The following PLEKHH2 variants were observed in gnomAD, a reference collection of about 807,000 sequenced individuals.
PLEKHH2 encodes pleckstrin homology domain-containing family H member 2.
A neutral mutation model predicts 187.9 loss-of-function variants in PLEKHH2; 129 were observed. The ratio of observed to expected loss-of-function variants is 0.69; its 90% CI spans 0.59 to 0.79. The LOEUF (loss-of-function observed/expected upper bound fraction) is 0.79. Ranked by LOEUF, PLEKHH2 falls within the 30% of genes least tolerant of loss-of-function variation. The pLI is 0.00. For missense variants in PLEKHH2, 2,076 were observed against 1,751.2 expected (o/e 1.19, Z -3.31); for synonymous variants, 686 against 605.6 (o/e 1.13, Z -1.95).
intron 2 of PLEKHH2, among the ~76,000 whole-genome samples, chr2:43,653,649 G>A (rs1175355503): frequency 6.6e-6 from 1 of 152,202 alleles, no homozygotes; most frequent in African/African-American, 2.4e-5. Flanking sequence ...TGCCCAGGCA[G>A]ACAGGTGAAC....
intron 11 of PLEKHH2, among the ~76,000 whole-genome samples, chr2:43,709,656 T>A (rs1332477681): frequency 6.6e-6 from 1 of 152,126 alleles, no homozygotes; most frequent in Non-Finnish European, 1.5e-5. Context: ...GCCAACATGA[T>A]GAAACCCCAT....
chr2:43,660,349 A>G (rs772020512), intron 2 of PLEKHH2, among the ~76,000 whole-genome samples: 1 of 151,864 alleles, frequency 6.6e-6, no homozygotes, highest in Non-Finnish European at 1.5e-5. Flanking sequence ...ACATTCACAT[A>G]CAGGTGTTTG....
rs549087057 is a variant in PLEKHH2, at chr2:43,669,688, A to G, written c.124-9175A>G. Among the ~76,000 whole-genome samples the G allele has an allele frequency of 3.3e-4, 51 of 152,246 alleles. 1 individual carries two copies. Among genetic ancestry groups the G allele is most frequent in the African/African-American group, 1.2e-3 (51 of 41,560 alleles). ...CTCAACACATAATGCTTTAATGAGA[A>G]ATGAAGGTGAAAAGGAAGAAACTTT... On this transcript the variant is annotated intron_variant, in intron 2 of 29. Transcript: ENST00000282406.
At chr2:43,741,783 A>T (rs897839131) in intron 21 of PLEKHH2, among the ~76,000 whole-genome samples, 3 of 152,232 alleles carry the variant, frequency 2.0e-5, no homozygotes, top group African/African-American at 7.2e-5. Context: ...GAGACCAAGG[A>T]TCTGCCTACA....
chr2:43,695,866 G>A (rs1458241349), intron 6 of PLEKHH2, among the ~76,000 whole-genome samples: 2 of 152,200 alleles, frequency 1.3e-5, no homozygotes, highest in African/African-American at 4.8e-5. Context: ...GAACACTTTG[G>A]AGGAGGTTTC....
rs13397108 is a variant in PLEKHH2, at chr2:43,710,729, C to A, written c.2301+154C>A. On this transcript the variant is annotated intron_variant, in intron 14 of 29. Coordinates refer to ENST00000282406, the MANE Select transcript of PLEKHH2 (RefSeq NM_172069.4). Reference sequence around the variant, plus strand: ...TGCCTTGGAAGTATGTGAAACTCCACGAATTTTTGGTTAAAACTATAATGT... The same window carrying A: ...TGCCTTGGAAGTATGTGAAACTCCAAGAATTTTTGGTTAAAACTATAATGT... 0.013 allele frequency: 18,543 copies of A among 1,410,728 alleles called. 2,121 individuals are homozygous for A. In the African/African-American group the frequency reaches 0.24, roughly 19 times the overall value. 87.4% of individuals were successfully genotyped at this position (1,410,728 alleles called of 1,614,324 possible).
chr2:43,675,584 G>C (rs370925278), intron 2 of PLEKHH2: 7 of 1,613,522 alleles, frequency 4.3e-6, no homozygotes, highest in Non-Finnish European at 5.9e-6. Flanking sequence ...TGTGCGATTG[G>C]TTTTGTATTA....
intron 23 of PLEKHH2, among the ~76,000 whole-genome samples, chr2:43,745,117 C>G (rs1048473138): frequency 2.6e-5 from 4 of 151,982 alleles, no homozygotes; most frequent in Non-Finnish European, 5.9e-5. Context: ...AGTTCAAGAC[C>G]AGCCTGATCA....
Position 43,738,494 on chromosome 2 carries a change from C to A in PLEKHH2, c.3097C>A (p.Pro1033Thr). 6.2e-7 allele frequency: 1 copy of A among 1,612,618 alleles called. No individual in the cohort carries two copies. The highest frequency in any genetic ancestry group is 8.5e-7 in the Non-Finnish European group (1 of 1,179,024). Residue 1033 changes from proline to threonine, a missense_variant, in exon 20 of 30, where the codon CCA becomes ACA. Transcript: ENST00000282406. ...QLIKQTRRRQ[P>T]QNQPGPLQGW... ...TATTAAACAGACAAGACGAAGACAGCCACAGAATCAACCAGGACCATTGCA... is the reference window on the plus strand; with the variant it reads ...TATTAAACAGACAAGACGAAGACAGACACAGAATCAACCAGGACCATTGCA...
intron 2 of PLEKHH2, chr2:43,676,431 G>C (rs949697258): frequency 2.5e-6 from 2 of 793,656 alleles, no homozygotes; most frequent in Non-Finnish European, 3.9e-6. Context: ...GGCCACTCTA[G>C]CTGCGGGAGG....
At chr2:43,666,403 C>T (rs946849807) in intron 2 of PLEKHH2, among the ~76,000 whole-genome samples, 5 of 148,114 alleles carry the variant, frequency 3.4e-5, no homozygotes, top group Admixed American at 2.0e-4. Flanking sequence ...AACCTGGTAC[C>T]TCAGATGGAA....
intron 9 of PLEKHH2, among the ~76,000 whole-genome samples, chr2:43,704,535 C>T (rs962253756): frequency 4.0e-5 from 6 of 151,666 alleles, no homozygotes; most frequent in African/African-American, 1.2e-4. Flanking sequence ...TGGTGGCGGG[C>T]GCCCATAGCC....
chr2:43,678,414 G>T (rs1370705474), intron 2 of PLEKHH2, among the ~76,000 whole-genome samples: 11 of 152,282 alleles, frequency 7.2e-5, no homozygotes, highest in Middle Eastern at 6.8e-3. Flanking sequence ...CTCCAGCCTG[G>T]GCACCATTGA....
intron 3 of PLEKHH2, among the ~76,000 whole-genome samples, chr2:43,682,326 T>G (rs1279561374): frequency 2.6e-5 from 4 of 152,150 alleles, no homozygotes; most frequent in African/African-American, 9.7e-5. Flanking sequence ...CTTTTTTTTT[T>G]GAGACAGTCT....
chr2:43,689,868 A>C (rs1367120716), intron 3 of PLEKHH2, among the ~76,000 whole-genome samples: 1 of 152,170 alleles, frequency 6.6e-6, no homozygotes, highest in Non-Finnish European at 1.5e-5. Context: ...AGTAGTTCCA[A>C]ACCATAGTTT....
chr2:43,650,149 T>C (rs1666393623), intron 2 of PLEKHH2, among the ~76,000 whole-genome samples: 3 of 144,320 alleles, frequency 2.1e-5, no homozygotes, highest in Admixed American at 2.1e-4. Flanking sequence ...CTTTCCTTTT[T>C]TTTTTTTTTT....
chr2:43,724,173 C>A (rs902176173), intron 16 of PLEKHH2, among the ~76,000 whole-genome samples: 2 of 148,568 alleles, frequency 1.3e-5, no homozygotes, highest in Non-Finnish European at 3.0e-5. Flanking sequence ...GTTTGAAATG[C>A]TATCCAACAT....
chr2:43,686,403 G>T (rs1429035296), intron 3 of PLEKHH2, among the ~76,000 whole-genome samples: 2 of 152,258 alleles, frequency 1.3e-5, no homozygotes, highest in South Asian at 2.1e-4. Context: ...CATCATGTTG[G>T]TCAGGCTGGT....
At chr2:43,698,215 A>G (rs1669182876) in intron 7 of PLEKHH2, among the ~76,000 whole-genome samples, 1 of 150,600 alleles carries the variant, frequency 6.6e-6, no homozygotes, top group Non-Finnish European at 1.5e-5. Context: ...CCTTGCTTTC[A>G]TGCCATTACT....
Sources: gnomAD v4.1 joint callset for allele counts (sites outside exome capture counted in the v4.1 genomes callset) on GRCh38, gnomAD v4.1.1 for gene constraint, MANE v1.5 for transcripts, NCBI Gene and HGNC (gene_info 2026-07-23, HGNC 2026-07-21) for gene names.